The following IL1RAPL1 variants were observed in gnomAD, a reference collection of about 807,000 sequenced individuals.
The protein encoded by IL1RAPL1 is interleukin 1 receptor accessory protein like 1, also known as interleukin-1 receptor accessory protein-like 1.
In IL1RAPL1, 3 loss-of-function variants were observed where a neutral mutation model predicts 48.4. The ratio of observed to expected loss-of-function variants is 0.06; its 90% CI spans 0.03 to 0.16. IL1RAPL1 has a LOEUF of 0.16. IL1RAPL1 is among the 10% of genes least tolerant of loss of function. IL1RAPL1 has a pLI of 1.00. For missense variants in IL1RAPL1, 349 were observed against 530.6 expected, an observed-to-expected ratio of 0.66 and a Z score of 3.36; for synonymous variants, 185 against 187.7, an observed-to-expected ratio of 0.99 and a Z score of 0.12.
intron 5 of IL1RAPL1, among the ~76,000 whole-genome samples, chrX:29,424,733 G>A (rs1255370376): frequency 9.0e-6 from 1 of 111,413 alleles, no homozygotes; most frequent in Non-Finnish European, 1.9e-5. Context: ...AAGATCATTG[G>A]TCTTGGGTAA....
intron 1 of IL1RAPL1, among the ~76,000 whole-genome samples, chrX:28,609,301 T>C (rs1383094007): frequency 9.0e-6 from 1 of 111,384 alleles, no homozygotes; most frequent in Non-Finnish European, 1.9e-5. Context: ...ACCCTCTTGT[T>C]TCTTTCTAAC....
intron 10 of IL1RAPL1, 61 bp downstream of exon 10, chrX:29,954,753 C>T (rs1466187892): frequency 1.1e-6 from 1 of 943,709 alleles, no homozygotes; most frequent in East Asian, 3.1e-5. Context: ...GTAGTCATCA[C>T]TTTTTCATGG....
chrX:29,237,459 A>C, intron 2 of IL1RAPL1, among the ~76,000 whole-genome samples: 1 of 112,633 alleles, frequency 8.9e-6, no homozygotes, highest in Non-Finnish European at 1.9e-5. Flanking sequence ...TTGCAGTTAT[A>C]AAACAGTGTG....
chrX:29,648,075 G>T (rs1180974160), intron 5 of IL1RAPL1, among the ~76,000 whole-genome samples: 1 of 111,450 alleles, frequency 9.0e-6, no homozygotes, highest in Non-Finnish European at 1.9e-5. Flanking sequence ...AATGATAAAG[G>T]GGCCAATTCA....
At chrX:28,936,309 ATGAC>A (rs1331447596) in intron 2 of IL1RAPL1, among the ~76,000 whole-genome samples, 1 of 110,671 alleles carries the variant, frequency 9.0e-6, no homozygotes, top group Non-Finnish European at 1.9e-5. Flanking sequence ...TAGATAATAA[ATGAC>A]TGAGCAATGG....
chrX:29,585,411 C>G (rs765665569), intron 5 of IL1RAPL1, among the ~76,000 whole-genome samples: 1 of 112,103 alleles, frequency 8.9e-6, no homozygotes, highest in East Asian at 2.8e-4. Flanking sequence ...ATATATGTAT[C>G]ACATCCTCTT....
intron 6 of IL1RAPL1, among the ~76,000 whole-genome samples, chrX:29,761,397 A>G (rs190576394): frequency 9.7e-4 from 109 of 111,849 alleles, no homozygotes; most frequent in African/African-American, 3.4e-3. Flanking sequence ...AAAGAAAACA[A>G]TTTGGGAGAA....
At chrX:29,187,076 A>G (rs1389135855) in intron 2 of IL1RAPL1, among the ~76,000 whole-genome samples, 2 of 111,394 alleles carry the variant, frequency 1.8e-5, no homozygotes, top group African/African-American at 6.5e-5. Context: ...TACCTATGTA[A>G]CAAACCTGCA....
At chrX:29,107,916 TCTTTA>T (rs1345657317) in intron 2 of IL1RAPL1, among the ~76,000 whole-genome samples, 2 of 112,172 alleles carry the variant, frequency 1.8e-5, no homozygotes, top group Non-Finnish European at 3.8e-5. Flanking sequence ...AGATGACTAC[TCTTTA>T]CTTAACAGAA....
chrX:28,736,446 A>G (rs1037406578), intron 1 of IL1RAPL1, among the ~76,000 whole-genome samples: 28 of 105,400 alleles, frequency 2.7e-4, no homozygotes, highest in East Asian at 1.5e-3. Context: ...AAAAAAAAAA[A>G]TGATGGCTCA....
At chrX:28,663,166 C>T (rs746358374) in intron 1 of IL1RAPL1, among the ~76,000 whole-genome samples, 3 of 112,174 alleles carry the variant, frequency 2.7e-5, no homozygotes, top group Non-Finnish European at 3.8e-5. Context: ...GTCTTACCCC[C>T]GCCTAGACAA....
chrX:29,701,705 A>G (rs763185922), intron 6 of IL1RAPL1, among the ~76,000 whole-genome samples: 1 of 111,365 alleles, frequency 9.0e-6, no homozygotes, highest in Non-Finnish European at 1.9e-5. Context: ...GACCTTTTAC[A>G]CCTGACCTCC....
intron 5 of IL1RAPL1, among the ~76,000 whole-genome samples, chrX:29,440,562 T>C (rs1602236213): frequency 8.9e-6 from 1 of 112,052 alleles, no homozygotes; most frequent in East Asian, 2.8e-4. Context: ...TCATTAATAG[T>C]TTTCTTAGTT....
At chrX:29,254,994 G>A (rs1931729483) in intron 2 of IL1RAPL1, among the ~76,000 whole-genome samples, 1 of 110,453 alleles carries the variant, frequency 9.1e-6, no homozygotes, top group African/African-American at 3.3e-5. Flanking sequence ...ATTTTTTTAA[G>A]ACAAGAACAT....
chrX:29,228,651 C>A (rs932763649), intron 2 of IL1RAPL1, among the ~76,000 whole-genome samples: 2 of 111,087 alleles, frequency 1.8e-5, no homozygotes, highest in African/African-American at 6.5e-5. Flanking sequence ...CCGCACCTGG[C>A]CAGTTTTGCC....
intron 1 of IL1RAPL1, among the ~76,000 whole-genome samples, chrX:28,778,416 G>T (rs1208783051): frequency 9.0e-6 from 1 of 111,562 alleles, no homozygotes; most frequent in East Asian, 2.8e-4. Flanking sequence ...GCCTGCAAGA[G>T]CGATGATGGA....
intron 6 of IL1RAPL1, among the ~76,000 whole-genome samples, chrX:29,752,449 T>C (rs1928508541): frequency 1.0e-5 from 1 of 100,455 alleles, no homozygotes; most frequent in Admixed American, 1.1e-4. Context: ...TGAGCCGAGA[T>C]TGCGCCACTG....
At chrX:29,505,989 C>G (rs1935322972) in intron 5 of IL1RAPL1, among the ~76,000 whole-genome samples, 1 of 112,184 alleles carries the variant, frequency 8.9e-6, no homozygotes, top group South Asian at 3.7e-4. Context: ...ATTCTTTCCT[C>G]TACTTGATTC....
intron 2 of IL1RAPL1, among the ~76,000 whole-genome samples, chrX:28,846,122 C>T (rs1442335345): frequency 8.9e-6 from 1 of 112,078 alleles, no homozygotes; most frequent in Non-Finnish European, 1.9e-5. Context: ...TGATATTTTC[C>T]TGTCTCCACA....
Sources: allele counts gnomAD v4.1 joint callset (sites outside exome capture counted in the v4.1 genomes callset), GRCh38; gene constraint gnomAD v4.1.1; transcripts MANE v1.5; gene names NCBI Gene and HGNC (gene_info 2026-07-23, HGNC 2026-07-21).